The following UBAP2L variants were observed in gnomAD, a reference collection of about 807,000 sequenced individuals.
UBAP2L encodes the protein ubiquitin associated protein 2 like.
A neutral mutation model predicts 130.6 loss-of-function variants in UBAP2L; 12 were observed. The ratio of observed to expected loss-of-function variants is 0.09; its 90% CI spans 0.06 to 0.15. The LOEUF is 0.15. Among genes scored for constraint, UBAP2L ranks in the 10% least tolerant of loss-of-function variants. UBAP2L has a pLI of 1.00. For missense variants in UBAP2L, 965 were observed against 1,332.5 expected, an observed-to-expected ratio of 0.72 and a Z score of 4.29; for synonymous variants, 503 against 524.7, an observed-to-expected ratio of 0.96 and a Z score of 0.57.
At chr1:154,235,439 G>C (rs1182437552) in intron 6 of UBAP2L, 148 bp downstream of exon 6, 1 of 567,240 alleles carries the variant, frequency 1.8e-6, no homozygotes, top group Non-Finnish European at 3.1e-6. Flanking sequence ...TGCAGCCTCA[G>C]ACTCCTGGGC....
chr1:154,227,220 G>A, intron 2 of UBAP2L, 62 bp from the exon 3 acceptor site: 3 of 1,448,440 alleles, frequency 2.1e-6, no homozygotes, highest in Non-Finnish European at 2.9e-6. Context: ...GACGAAATAG[G>A]TTCCTGTTCT....
chr1:154,248,814 T>TCAAAAA (rs748435321), intron 11 of UBAP2L, among the ~76,000 whole-genome samples: 2 of 152,234 alleles, frequency 1.3e-5, no homozygotes, highest in South Asian at 2.1e-4. Context: ...AGACTCTGTC[T>TCAAAAA]CAAAAACAAA....
At position 154,255,320 on chromosome 1, in the gene UBAP2L, A is replaced by T; in HGVS notation, c.2078A>T (p.His693Leu). The change falls in exon 17 of 27, where the codon CAC (histidine) becomes CTC (leucine). Residue 693 changes from histidine (H) to leucine (L), a missense_variant. His to Leu is a moderately conservative substitution (Grantham distance 99). Around this residue, in one of 9 missense-constraint regions of UBAP2L, gnomAD observed 393 missense variants for 408.1 expected, o/e 0.96. Transcript: ENST00000428931. ...ATTCCAAATACTACCACCACACAAC[A>T]CAGCAGGTGATTTGGGGTGAGGATG... ...EEIPNTTTTQ[H>L]SSTLSTQQNT... is the part of the protein sequence containing the mutation. 1 of 1,613,644 alleles carries T rather than the reference A, an allele frequency of 6.2e-7. No individual in the cohort carries two copies. Among genetic ancestry groups the T allele is most frequent in the Non-Finnish European group, 8.5e-7 (1 of 1,179,770 alleles).
At position 154,270,233 on chromosome 1, in the gene UBAP2L, A is replaced by G; in HGVS notation, c.3202A>G (p.Ile1068Val). Residue 1068 changes from isoleucine to valine, a missense_variant, in exon 27 of 27, where the codon ATC becomes GTC. This residue lies in a region of UBAP2L where 194 missense variants were observed against 334.0 expected (regional missense o/e 0.58). Transcript: ENST00000428931. ...CGGGCAACGTAGCCAGACCAGCTCC[A>G]TCCCGCAGAAGCCCCAGACCAACAA... The part of the protein sequence containing the change: ...GSGQRSQTSS[I>V]PQKPQTNKSA... 1.2e-6 allele frequency: 2 copies of G among 1,613,006 alleles called. No homozygotes were observed. The highest frequency in any genetic ancestry group is 1.1e-5 in the South Asian group (1 of 90,700).
rs1465925987 is a variant in UBAP2L, at chr1:154,257,847, A to G, written c.2442+413A>G. ...GTATGCATGTGTGTGTGTGCGTACA[A>G]TGTGTATGTATATGTGTGATGAGAA... On this transcript the variant is annotated intron_variant, in intron 20 of 26. Coordinates refer to ENST00000428931, the MANE Select transcript of UBAP2L (RefSeq NM_014847.4). 3 of 186,916 alleles carry G rather than the reference A, an allele frequency of 1.6e-5. No homozygotes were observed. The East Asian group carries it at 4.2e-4, about 26-fold the overall frequency. The allele number at this position is 186,916 out of a possible 1,614,324, so 11.6% of individuals were successfully genotyped here. A position where few individuals can be genotyped will look rare whatever the true frequency, so the allele number is the denominator to read the frequency against.
At position 154,227,283 on chromosome 1, in the gene UBAP2L, C is replaced by T; in HGVS notation, c.92C>T (p.Ala31Val). 6.2e-7 allele frequency: 1 copy of T among 1,613,214 alleles called. No individual in the cohort carries two copies. Among genetic ancestry groups the T allele is most frequent in the South Asian group, 1.1e-5 (1 of 91,072 alleles). ...TCTTGATCTCATCTCAATTCCTAGG[C>T]CACTGCAGAACAAATTAGACTTGCA... ...NQTQHKQRPQ[A>V]TAEQIRLAQM... The change falls in exon 3 of 27, where the codon GCC becomes GTC. Residue 31 changes from alanine (A) to valine (V), a missense_variant and splice_region_variant. Around this residue, in one of 9 missense-constraint regions of UBAP2L, gnomAD observed 34 missense variants for 101.4 expected, o/e 0.34. Coordinates refer to ENST00000428931, the MANE Select transcript of UBAP2L (RefSeq NM_014847.4).
intron 4 of UBAP2L, among the ~76,000 whole-genome samples, chr1:154,230,621 T>C (rs140877354): frequency 6.6e-6 from 1 of 152,348 alleles, no homozygotes; most frequent in African/African-American, 2.4e-5. Flanking sequence ...TGAATGTTTT[T>C]TCGCAAATCA....
chr1:154,223,767 G>GCTTT (rs1487774767), intron 1 of UBAP2L, among the ~76,000 whole-genome samples: 1 of 152,174 alleles, frequency 6.6e-6, no homozygotes, highest in African/African-American at 2.4e-5. Context: ...GAAAAAGTCA[G>GCTTT]CTTTCTCTGT....
intron 10 of UBAP2L, among the ~76,000 whole-genome samples, chr1:154,245,570 A>G (rs1237338967): frequency 6.6e-6 from 1 of 152,134 alleles, no homozygotes; most frequent in Non-Finnish European, 1.5e-5. Context: ...AAAATCATGG[A>G]TAAGTACTTG....
In UBAP2L at chr1:154,251,208, A is replaced by C; in HGVS notation, c.1381A>C (p.Thr461Pro). 1.2e-6 allele frequency: 2 copies of C among 1,614,110 alleles called. No individual in the cohort carries two copies. Among genetic ancestry groups the C allele is most frequent in the Non-Finnish European group, 1.7e-6 (2 of 1,180,032 alleles). ...PPSSPLPSKS[T>P]SAPQMSPGSS... Reference sequence around the variant, plus strand: ...GTCTTCTCCTCTGCCAAGCAAATCCACATCGGCTCCACAGATGTCGCCTGG... The same window carrying C: ...GTCTTCTCCTCTGCCAAGCAAATCCCCATCGGCTCCACAGATGTCGCCTGG... The change falls in exon 13 of 27, where the codon ACA becomes CCA. Residue 461 changes from threonine (T) to proline (P), a missense_variant. Physicochemically the swap from Thr to Pro is conservative, Grantham distance 38 (BLOSUM62 -1). Around this residue, in one of 9 missense-constraint regions of UBAP2L, gnomAD observed 74 missense variants for 97.1 expected, o/e 0.76. Coordinates refer to ENST00000428931, the MANE Select transcript of UBAP2L (RefSeq NM_014847.4).
At chr1:154,264,413 T>C (rs1682596986) in intron 24 of UBAP2L, among the ~76,000 whole-genome samples, 1 of 152,118 alleles carries the variant, frequency 6.6e-6, no homozygotes, top group Non-Finnish European at 1.5e-5. Context: ...GCAAGAGAAC[T>C]CTGTAGTCTG....
intron 26 of UBAP2L, chr1:154,269,682 CAG>C (rs1176962747): frequency 3.0e-6 from 1 of 338,334 alleles, no homozygotes; most frequent in Non-Finnish European, 5.8e-6. Context: ...CCTGAGGCCT[CAG>C]ACTGCCTCTC....
At chr1:154,254,523 A>G (rs1678959416) in intron 15 of UBAP2L, 2 of 481,106 alleles carry the variant, frequency 4.2e-6, no homozygotes, top group African/African-American at 2.0e-5. Flanking sequence ...CCCTTCCCCA[A>G]AAATCACTGG....
intron 24 of UBAP2L, among the ~76,000 whole-genome samples, chr1:154,262,024 A>C (rs1362719374): frequency 6.6e-6 from 1 of 152,230 alleles, no homozygotes; most frequent in African/African-American, 2.4e-5. Context: ...GGCAAGTGTT[A>C]ATAGTATGTA....
chr1:154,257,157 G>T lies in UBAP2L; in HGVS notation c.2252G>T (p.Ser751Ile). The T allele has an allele frequency of 1.9e-6, 3 of 1,614,182 alleles. No homozygotes were observed. The highest frequency in any genetic ancestry group is 2.5e-6 in the Non-Finnish European group (3 of 1,180,040). The stretch of plus-strand genomic sequence containing the variant: ...GTCTCTGCACCTCCCCCAGTGGTCA[G>T]TGTCTCCTCCAGTCTCAATAGTGGC... ...STVSAPPPVV[S>I]VSSSLNSGSS... The change falls in exon 19 of 27, where the codon AGT (serine) becomes ATT (isoleucine). Residue 751 changes from serine to isoleucine, a missense_variant. By Grantham distance (142) the Ser-to-Ile change is moderately radical. Around this residue, in one of 9 missense-constraint regions of UBAP2L, gnomAD observed 393 missense variants for 408.1 expected, o/e 0.96. Coordinates refer to ENST00000428931, the MANE Select transcript of UBAP2L (RefSeq NM_014847.4).
Position 154,255,705 on chromosome 1 carries a change from A to G in UBAP2L, c.2107A>G (p.Thr703Ala). 1 of 1,614,050 alleles carries G rather than the reference A, an allele frequency of 6.2e-7. No homozygotes were observed. Among genetic ancestry groups the G allele is most frequent in the Non-Finnish European group, 8.5e-7 (1 of 1,180,024 alleles). ...CAGCACGTTATCTACGCAGCAGAAT[A>G]CCCTTTCATCATCAACATCTTCTGG... ...HSSTLSTQQN[T>A]LSSSTSSGRT... The change falls in exon 18 of 27, where the codon ACC becomes GCC. Residue 703 changes from threonine (T) to alanine (A), a missense_variant. Coordinates refer to ENST00000428931, the MANE Select transcript of UBAP2L (RefSeq NM_014847.4).
chr1:154,257,513 C>G, intron 20 of UBAP2L, 79 bp downstream of exon 20: 1 of 1,506,808 alleles, frequency 6.6e-7, no homozygotes, highest in South Asian at 1.1e-5. Flanking sequence ...TTCAGATGGA[C>G]CCCTGTGAAT....
intron 12 of UBAP2L, among the ~76,000 whole-genome samples, 187 bp from the exon 13 acceptor site, chr1:154,250,847 CAAAAAAA>C (rs1023678670): frequency 2.0e-5 from 1 of 48,966 alleles, no homozygotes. Context: ...ACTCCCATCT[CAAAAAAA>C]AAAAAAAAAA....
At chr1:154,255,619 A>T in intron 17 of UBAP2L, 64 bp from the exon 18 acceptor site, 1 of 1,548,294 alleles carries the variant, frequency 6.5e-7, no homozygotes, top group Non-Finnish European at 8.9e-7. Context: ...TATGTTCTTG[A>T]CTGAAGCTCC....
Sources: allele counts gnomAD v4.1 joint callset (sites outside exome capture counted in the v4.1 genomes callset), GRCh38; gene constraint gnomAD v4.1.1; regional missense constraint gnomAD v4.1.1; transcripts MANE v1.5; gene names NCBI Gene and HGNC (gene_info 2026-07-23, HGNC 2026-07-21).